Variants in CCDC150 observed in about 807,000 individuals in gnomAD.
CCDC150 encodes coiled-coil domain containing 150.
A neutral mutation model predicts 156.5 loss-of-function variants in CCDC150; 151 were observed. That is an observed-to-expected ratio of 0.97 (90% CI 0.85 to 1.10). The LOEUF (loss-of-function observed/expected upper bound fraction) is 1.10. Among genes scored for constraint, CCDC150 ranks in the 50% least tolerant of loss-of-function variants. The probability of loss-of-function intolerance (pLI) is 0.00; values close to 1 mark genes in which losing one functional copy is unlikely to be tolerated. For missense variants in CCDC150, 1,312 were observed against 1,268.1 expected (o/e 1.03, Z -0.53); for synonymous variants, 452 against 429.4 (o/e 1.05, Z -0.65).
chr2:196,715,382 A>G (rs1697434378), intron 17 of CCDC150, among the ~76,000 whole-genome samples: 2 of 152,178 alleles, frequency 1.3e-5, no homozygotes, highest in African/African-American at 4.8e-5. Flanking sequence ...TACTATTTGG[A>G]TGTAAAAAGG....
At chr2:196,670,924 C>A (rs981036563) in intron 8 of CCDC150, among the ~76,000 whole-genome samples, 1 of 152,124 alleles carries the variant, frequency 6.6e-6, no homozygotes, top group Admixed American at 6.6e-5. Flanking sequence ...TTCCCAAATA[C>A]CTTCTGCCCC....
chr2:196,664,283 A>C (rs1693717594), intron 5 of CCDC150, among the ~76,000 whole-genome samples: 1 of 152,180 alleles, frequency 6.6e-6, no homozygotes, highest in African/African-American at 2.4e-5. Flanking sequence ...CCCCCACTTT[A>C]GATGCCAATT....
chr2:196,651,588 C>T (rs1451571463), intron 2 of CCDC150, among the ~76,000 whole-genome samples: 1 of 152,084 alleles, frequency 6.6e-6, no homozygotes, highest in Non-Finnish European at 1.5e-5. Flanking sequence ...GGGATTTTGA[C>T]TATATATTCT....
intron 14 of CCDC150, among the ~76,000 whole-genome samples, chr2:196,697,478 A>T (rs1695908066): frequency 6.6e-6 from 1 of 152,144 alleles, no homozygotes; most frequent in African/African-American, 2.4e-5. Context: ...TGGGGTTTAA[A>T]CATATATTTT....
At chr2:196,713,201 G>C in intron 17 of CCDC150, 1 of 1,139,158 alleles carries the variant, frequency 8.8e-7, no homozygotes, top group Non-Finnish European at 1.2e-6. Flanking sequence ...TTTACAGTGT[G>C]ATCTCTTCAC....
At chr2:196,698,594 T>C (rs916543116) in intron 14 of CCDC150, among the ~76,000 whole-genome samples, 1 of 152,266 alleles carries the variant, frequency 6.6e-6, no homozygotes, top group Non-Finnish European at 1.5e-5. Flanking sequence ...TATTTTAGGT[T>C]AACTCTAGTT....
At chr2:196,656,937 C>A in intron 3 of CCDC150, 21 bp from the exon 4 acceptor site, 1 of 1,612,098 alleles carries the variant, frequency 6.2e-7, no homozygotes, top group East Asian at 2.2e-5. Flanking sequence ...TGCTTGATGC[C>A]CCTCCTGTGC....
chr2:196,698,699 T>A (rs557217881), intron 14 of CCDC150, among the ~76,000 whole-genome samples: 67 of 152,166 alleles, frequency 4.4e-4, no homozygotes, highest in African/African-American at 1.3e-3. Context: ...AGCTTTTTTT[T>A]AAAATTATAC....
Position 196,712,126 on chromosome 2 carries a change from A to G in CCDC150, c.1696-19A>G. The G allele has an allele frequency of 1.6e-6, 2 of 1,250,830 alleles. No individual in the cohort carries two copies. The highest frequency in any genetic ancestry group is 2.2e-4 in the Middle Eastern group (1 of 4,546). The allele number at this position is 1,250,830 out of a possible 1,614,324, so 77.5% of individuals were successfully genotyped here. A position where few individuals can be genotyped will look rare whatever the true frequency, so the allele number is the denominator to read the frequency against. The stretch of plus-strand genomic sequence containing the variant: ...TTTTATTTTTTAAAATTTTTTTTGT[A>G]TTTTTGTTTTTCCTCTAGATAAAAG... On this transcript the variant is annotated intron_variant, in intron 15 of 27. Coordinates refer to ENST00000389175, the MANE Select transcript of CCDC150 (RefSeq NM_001080539.2).
chr2:196,652,808 T>C (rs754831633), intron 2 of CCDC150, among the ~76,000 whole-genome samples: 8 of 152,250 alleles, frequency 5.3e-5, no homozygotes, highest in East Asian at 1.9e-4. Context: ...GGCTTTCTCA[T>C]GCATCCTCTG....
chr2:196,719,699 T>A, intron 19 of CCDC150, 33 bp downstream of exon 19: 3 of 1,555,086 alleles, frequency 1.9e-6, no homozygotes, highest in South Asian at 1.2e-5. Flanking sequence ...GTCATTGGTA[T>A]TGCTGGATTG....
intron 13 of CCDC150, among the ~76,000 whole-genome samples, chr2:196,684,061 T>TA (rs1293152397): frequency 1.3e-5 from 2 of 151,778 alleles, no homozygotes; most frequent in South Asian, 2.1e-4. Context: ...GTCTAGTTTC[T>TA]AAAAAAAAGC....
At chr2:196,698,194 A>G (rs1265567353) in intron 14 of CCDC150, among the ~76,000 whole-genome samples, 1 of 152,188 alleles carries the variant, frequency 6.6e-6, no homozygotes, top group Non-Finnish European at 1.5e-5. Flanking sequence ...TGTAAACAGT[A>G]ATTTAAGTAA....
At chr2:196,686,828 T>C (rs1695155523) in intron 13 of CCDC150, among the ~76,000 whole-genome samples, 1 of 152,196 alleles carries the variant, frequency 6.6e-6, no homozygotes, top group Non-Finnish European at 1.5e-5. Flanking sequence ...TATATTCTCA[T>C]CATTTAGCTC....
intron 10 of CCDC150, 109 bp downstream of exon 10, chr2:196,674,457 A>C: frequency 1.5e-6 from 1 of 665,314 alleles, no homozygotes; most frequent in Non-Finnish European, 2.5e-6. Flanking sequence ...ATTTCAAAAA[A>C]TCTACTGAAT....
chr2:196,714,006 A>G (rs1697316753), intron 17 of CCDC150, among the ~76,000 whole-genome samples: 1 of 152,220 alleles, frequency 6.6e-6, no homozygotes, highest in African/African-American at 2.4e-5. Flanking sequence ...AAATTAATTC[A>G]AGAAACCCCA....
chr2:196,666,064 G>A (rs761749179), intron 6 of CCDC150, among the ~76,000 whole-genome samples: 5 of 152,060 alleles, frequency 3.3e-5, no homozygotes, highest in Non-Finnish European at 7.4e-5. Context: ...GTATATGTCT[G>A]ACATGGATAG....
chr2:196,695,518 G>C (rs1695763957), intron 14 of CCDC150, among the ~76,000 whole-genome samples: 1 of 152,106 alleles, frequency 6.6e-6, no homozygotes, highest in East Asian at 1.9e-4. Context: ...GACAAGGTCA[G>C]TGCATTACAA....
At chr2:196,683,349 C>A (rs1694952652) in intron 13 of CCDC150, among the ~76,000 whole-genome samples, 1 of 152,046 alleles carries the variant, frequency 6.6e-6, no homozygotes, top group Admixed American at 6.5e-5. Flanking sequence ...ACTAAGCTTG[C>A]ATTCCTTGGA....
Sources: gnomAD v4.1 joint callset for allele counts (sites outside exome capture counted in the v4.1 genomes callset) on GRCh38, gnomAD v4.1.1 for gene constraint, MANE v1.5 for transcripts, NCBI Gene and HGNC (gene_info 2026-07-23, HGNC 2026-07-21) for gene names.